Variants in JARID2 observed in about 807,000 individuals in gnomAD.
JARID2 encodes the protein protein Jumonji.
Under a neutral mutation model 125.6 loss-of-function variants are expected in JARID2, and 21 were observed. The ratio of observed to expected loss-of-function variants is 0.17; its 90% CI spans 0.12 to 0.24. The LOEUF is 0.24. Among genes scored for constraint, JARID2 ranks in the 10% least tolerant of loss-of-function variants. The probability of loss-of-function intolerance (pLI) is 1.00; values close to 1 mark genes in which losing one functional copy is unlikely to be tolerated. For synonymous variants in JARID2, 736 were observed against 661.6 expected (o/e 1.11, Z -1.73); for missense variants, 1,303 against 1,639.6 (o/e 0.79, Z 3.55).
At chr6:15,477,509 T>A (rs950303319) in intron 5 of JARID2, among the ~76,000 whole-genome samples, 71 of 82,538 alleles carry the variant, frequency 8.6e-4, no homozygotes, top group African/African-American at 2.6e-3. Context: ...TGTTGGTTTT[T>A]TTTTTTTTTT....
At chr6:15,512,107 T>G (rs779013120) in intron 13 of JARID2, 101 bp from the exon 14 acceptor site, 7 of 933,040 alleles carry the variant, frequency 7.5e-6, no homozygotes, top group Admixed American at 5.6e-5. Flanking sequence ...CAATCTTATC[T>G]CCTTGAGAGC....
chr6:15,347,945 T>C (rs1436763972), intron 1 of JARID2, among the ~76,000 whole-genome samples: 1 of 152,174 alleles, frequency 6.6e-6, no homozygotes, highest in Admixed American at 6.5e-5. Context: ...GTATTGATGC[T>C]GTCTTCCTAT....
At chr6:15,493,613 A>G (rs1770261631) in intron 6 of JARID2, among the ~76,000 whole-genome samples, 1 of 152,156 alleles carries the variant, frequency 6.6e-6, no homozygotes, top group Non-Finnish European at 1.5e-5. Context: ...AACCTGAGAT[A>G]GAGCCCTTCC....
At chr6:15,465,283 T>C (rs1359838535) in intron 4 of JARID2, among the ~76,000 whole-genome samples, 1 of 152,122 alleles carries the variant, frequency 6.6e-6, no homozygotes, top group African/African-American at 2.4e-5. Flanking sequence ...CGAGATCCCG[T>C]TCCTACAAAA....
intron 1 of JARID2, chr6:15,247,535 T>TC (rs750005617): frequency 2.5e-6 from 2 of 809,766 alleles, no homozygotes; most frequent in South Asian, 9.9e-5. Flanking sequence ...AAATAACTCT[T>TC]TTTTTTTTTC....
At chr6:15,358,423 C>T (rs1763679453) in intron 1 of JARID2, among the ~76,000 whole-genome samples, 1 of 152,202 alleles carries the variant, frequency 6.6e-6, no homozygotes, top group Non-Finnish European at 1.5e-5. Context: ...GATACTGGTA[C>T]TAACACACTG....
chr6:15,392,077 T>TGTGTGTGC (rs1491286317), intron 2 of JARID2, among the ~76,000 whole-genome samples: 1 of 41,452 alleles, frequency 2.4e-5, no homozygotes, highest in African/African-American at 9.0e-5. Context: ...TGTGTGTGTG[T>TGTGTGTGC]GCGTGTCTGG....
chr6:15,469,947 G>GGC (rs1295256805), intron 5 of JARID2, among the ~76,000 whole-genome samples: 1 of 152,082 alleles, frequency 6.6e-6, no homozygotes, highest in Non-Finnish European at 1.5e-5. Flanking sequence ...GGGAGGCTGA[G>GGC]GTGGGCAGAT....
intron 1 of JARID2, among the ~76,000 whole-genome samples, chr6:15,319,549 A>C (rs1276215642): frequency 6.6e-6 from 1 of 152,106 alleles, no homozygotes; most frequent in East Asian, 1.9e-4. Flanking sequence ...AAGTGTGCGC[A>C]ACTGTGCCCT....
At chr6:15,341,986 T>A (rs988526214) in intron 1 of JARID2, among the ~76,000 whole-genome samples, 1 of 151,456 alleles carries the variant, frequency 6.6e-6, no homozygotes, top group Non-Finnish European at 1.5e-5. Flanking sequence ...TTAGAACATT[T>A]GGGCTTTCTG....
chr6:15,360,356 T>C (rs1057462432), intron 1 of JARID2, among the ~76,000 whole-genome samples: 3 of 152,122 alleles, frequency 2.0e-5, no homozygotes, highest in African/African-American at 7.2e-5. Context: ...AGCTAATTTT[T>C]GTATTTTTTG....
chr6:15,259,164 C>G (rs1183509068), intron 1 of JARID2, among the ~76,000 whole-genome samples: 2 of 152,168 alleles, frequency 1.3e-5, no homozygotes, highest in Non-Finnish European at 2.9e-5. Flanking sequence ...TTTTTGCATA[C>G]TTTTGAATGA....
chr6:15,391,740 C>G (rs1310673191), intron 2 of JARID2, among the ~76,000 whole-genome samples: 1 of 152,182 alleles, frequency 6.6e-6, no homozygotes. Context: ...CTACCAGTAA[C>G]TGGGTGTCTA....
chr6:15,444,736 T>G (rs1431986545), intron 3 of JARID2, among the ~76,000 whole-genome samples: 2 of 7,482 alleles, frequency 2.7e-4, no homozygotes, highest in African/African-American at 1.9e-3. Context: ...AACTGTCTGA[T>G]TTTTTTTTTT....
At chr6:15,269,618 C>T (rs1760221658) in intron 1 of JARID2, among the ~76,000 whole-genome samples, 1 of 150,048 alleles carries the variant, frequency 6.7e-6, no homozygotes, top group South Asian at 2.1e-4. Flanking sequence ...GCATTGTTTC[C>T]CAGGTTGGGT....
rs989267239 is a variant in JARID2 at position 15,520,875 on chromosome 6, G to A, written c.*624G>A. ...GGAACGAGGAGACGGGAGCGAGTGG[G>A]CTCTCCACCAGCACATCACTATGCA... On this transcript the variant is annotated 3_prime_UTR_variant, in exon 18 of 18. Coordinates refer to ENST00000341776, the MANE Select transcript of JARID2 (RefSeq NM_004973.4). 6.6e-6 allele frequency: 3 copies of A among 455,494 alleles called. No individual in the cohort carries two copies. The highest frequency in any genetic ancestry group is 8.8e-6 in the Non-Finnish European group (2 of 226,568). The allele number at this position is 455,494 out of a possible 1,614,324, so 28.2% of individuals were successfully genotyped here. A position where few individuals can be genotyped will look rare whatever the true frequency, so the allele number is the denominator to read the frequency against.
chr6:15,424,145 T>C (rs868090415), intron 3 of JARID2, among the ~76,000 whole-genome samples: 5 of 152,012 alleles, frequency 3.3e-5, no homozygotes, highest in South Asian at 2.1e-4. Context: ...TTTTTTTTTT[T>C]TTTTAAGAGA....
Position 15,489,239 on chromosome 6 carries a change from T to TA in JARID2, c.906+1698dup, listed in dbSNP as rs1216090066. On this transcript the variant is annotated intron_variant, in intron 6 of 17. Transcript: ENST00000341776. ...CCCACTATGCTTTTTTGAGTTTTTT[T>TA]AGTTTACTTGTGGTAAAATTCTCAT... is the stretch of plus-strand genomic sequence containing the variant. Among the ~76,000 whole-genome samples, 19 of 152,322 alleles carry TA rather than the reference T, an allele frequency of 1.2e-4. No homozygotes were observed. In the East Asian group the frequency reaches 3.7e-3, roughly 29 times the overall value.
At chr6:15,515,457 G>A (rs967424095) in intron 16 of JARID2, among the ~76,000 whole-genome samples, 1 of 152,146 alleles carries the variant, frequency 6.6e-6, no homozygotes, top group African/African-American at 2.4e-5. Flanking sequence ...CTTCAGAGTT[G>A]TCACCTGGCA....
Sources: allele counts gnomAD v4.1 joint callset (sites outside exome capture counted in the v4.1 genomes callset), GRCh38; gene constraint gnomAD v4.1.1; transcripts MANE v1.5; gene names NCBI Gene and HGNC (gene_info 2026-07-23, HGNC 2026-07-21).